Variants in RABGAP1L observed in about 807,000 individuals in gnomAD.
The protein encoded by RABGAP1L is RAB GTPase activating protein 1 like.
Under a neutral mutation model 137.7 loss-of-function variants are expected in RABGAP1L, and 63 were observed. That is an observed-to-expected ratio of 0.46 (90% CI 0.37 to 0.56). RABGAP1L has a LOEUF of 0.56. Among genes scored for constraint, RABGAP1L ranks in the 20% least tolerant of loss-of-function variants. The pLI is 0.00. For missense variants in RABGAP1L, 1,095 were observed against 1,244.0 expected (o/e 0.88, Z 1.80); for synonymous variants, 431 against 433.7 (o/e 0.99, Z 0.08).
intron 19 of RABGAP1L, among the ~76,000 whole-genome samples, chr1:174,918,675 C>T (rs938564882): frequency 2.6e-5 from 4 of 152,090 alleles, no homozygotes; most frequent in Non-Finnish European, 4.4e-5. Flanking sequence ...GTCCCAGCTA[C>T]CTGGGAGGCT....
At chr1:174,290,671 A>G (rs1298291491) in intron 10 of RABGAP1L, among the ~76,000 whole-genome samples, 1 of 151,076 alleles carries the variant, frequency 6.6e-6, no homozygotes, top group Admixed American at 6.6e-5. Context: ...TTAATTTTTT[A>G]TTGTTTATTT....
intron 19 of RABGAP1L, among the ~76,000 whole-genome samples, chr1:174,953,063 A>G (rs1048548330): frequency 7.3e-5 from 11 of 151,286 alleles, no homozygotes; most frequent in Admixed American, 2.0e-4. Flanking sequence ...GAACTAATGC[A>G]TGTGAAATTC....
chr1:174,596,112 G>A (rs1308748684), intron 13 of RABGAP1L, among the ~76,000 whole-genome samples: 1 of 132,606 alleles, frequency 7.5e-6, no homozygotes, highest in Admixed American at 7.4e-5. Flanking sequence ...GGAGTGACCC[G>A]ATTTTCCAGG....
intron 7 of RABGAP1L, among the ~76,000 whole-genome samples, chr1:174,254,108 T>C (rs1266726532): frequency 1.3e-5 from 2 of 152,042 alleles, no homozygotes; most frequent in Admixed American, 1.3e-4. Context: ...TTTTTTTTTT[T>C]AGAAGGTAGG....
intron 1 of RABGAP1L, among the ~76,000 whole-genome samples, chr1:174,211,219 A>C (rs1668861949): frequency 6.6e-6 from 1 of 152,172 alleles, no homozygotes; most frequent in Non-Finnish European, 1.5e-5. Flanking sequence ...TGGTGTGTAA[A>C]CTACTCTTGT....
chr1:174,536,260 T>G (rs1177625626), intron 13 of RABGAP1L, among the ~76,000 whole-genome samples: 2 of 152,076 alleles, frequency 1.3e-5, no homozygotes, highest in African/African-American at 4.8e-5. Context: ...ATATATCACT[T>G]TTTTTTCCAA....
intron 19 of RABGAP1L, among the ~76,000 whole-genome samples, chr1:174,931,241 G>A (rs1357810637): frequency 6.6e-6 from 1 of 152,048 alleles, no homozygotes; most frequent in Non-Finnish European, 1.5e-5. Context: ...AAAGCTGATG[G>A]GATATTCTTT....
chr1:174,932,345 G>T (rs1189969595), intron 19 of RABGAP1L, among the ~76,000 whole-genome samples: 1 of 151,348 alleles, frequency 6.6e-6, no homozygotes, highest in East Asian at 1.9e-4. Flanking sequence ...CTCAGTCTTT[G>T]ACTTTTATAA....
At chr1:174,767,699 A>G (rs1348689701) in intron 18 of RABGAP1L, among the ~76,000 whole-genome samples, 1 of 152,042 alleles carries the variant, frequency 6.6e-6, no homozygotes, top group Non-Finnish European at 1.5e-5. Context: ...ATATTCATGT[A>G]TGTGTATTGT....
At chr1:174,505,232 T>C (rs1661709918) in intron 13 of RABGAP1L, among the ~76,000 whole-genome samples, 2 of 152,316 alleles carry the variant, frequency 1.3e-5, no homozygotes, top group South Asian at 4.1e-4. Flanking sequence ...ACCTTTCAGA[T>C]TGAGAAAAGC....
intron 23 of RABGAP1L, among the ~76,000 whole-genome samples, chr1:174,980,507 T>TAAAGATAAAGA (rs1257488290): frequency 6.6e-6 from 1 of 152,078 alleles, no homozygotes; most frequent in Non-Finnish European, 1.5e-5. Flanking sequence ...AAGACTTGGA[T>TAAAGATAAAGA]CTGTAGAGAT....
chr1:174,841,942 A>G (rs146207372), intron 19 of RABGAP1L, among the ~76,000 whole-genome samples: 2 of 152,264 alleles, frequency 1.3e-5, no homozygotes, highest in East Asian at 1.9e-4. Flanking sequence ...GTAGATGCCA[A>G]TAGGAGATGG....
chr1:174,653,468 A>T (rs867796106), intron 14 of RABGAP1L, among the ~76,000 whole-genome samples: 1 of 152,120 alleles, frequency 6.6e-6, no homozygotes, highest in Non-Finnish European at 1.5e-5. Flanking sequence ...AGACCATGGG[A>T]AAAGTGTCAT....
intron 1 of RABGAP1L, among the ~76,000 whole-genome samples, chr1:174,170,671 CAAAAAAAA>C (rs35800051): frequency 2.3e-5 from 2 of 85,358 alleles, no homozygotes; most frequent in East Asian, 4.5e-4. Context: ...GACGCTGTTT[CAAAAAAAA>C]AAAAAAAAAA....
chr1:174,363,085 T>C (rs1443668059), intron 11 of RABGAP1L, among the ~76,000 whole-genome samples: 4 of 152,190 alleles, frequency 2.6e-5, no homozygotes, highest in African/African-American at 9.7e-5. Flanking sequence ...TTGTTGCAGA[T>C]AGTTGTAGAT....
intron 13 of RABGAP1L, among the ~76,000 whole-genome samples, chr1:174,533,541 C>T (rs563486738): frequency 3.9e-5 from 6 of 152,226 alleles, no homozygotes; most frequent in Non-Finnish European, 5.9e-5. Context: ...CATGATGATC[C>T]ACTTCTATTT....
chr1:174,938,299 G>A (rs1369516817), intron 19 of RABGAP1L: 1 of 152,206 alleles, frequency 6.6e-6, no homozygotes, highest in Non-Finnish European at 1.5e-5. Context: ...TTCCCACCCT[G>A]TGGGTAGCTG....
chr1:174,666,881 A>G (rs1034925370), intron 14 of RABGAP1L, among the ~76,000 whole-genome samples: 4 of 151,978 alleles, frequency 2.6e-5, no homozygotes, highest in East Asian at 1.9e-4. Flanking sequence ...GGTCAAGAGC[A>G]GTAGTAGTCA....
At chr1:174,691,967 T>G (rs1678907253) in intron 15 of RABGAP1L, among the ~76,000 whole-genome samples, 1 of 152,174 alleles carries the variant, frequency 6.6e-6, no homozygotes, top group Non-Finnish European at 1.5e-5. Context: ...ATAAGCTGAA[T>G]AGTCAACACA....
Sources: allele counts gnomAD v4.1 joint callset (sites outside exome capture counted in the v4.1 genomes callset), GRCh38; gene constraint gnomAD v4.1.1; transcripts MANE v1.5; gene names NCBI Gene and HGNC (gene_info 2026-07-23, HGNC 2026-07-21).